The following ATM variants were observed in gnomAD, a reference collection of about 807,000 sequenced individuals.
The protein encoded by ATM is ATM serine/threonine kinase.
ATM carries 308 observed loss-of-function variants against 387.0 expected under a neutral mutation model. That is an observed-to-expected ratio of 0.80 (90% CI 0.73 to 0.87). ATM has a LOEUF of 0.87. ATM is among the 40% of genes least tolerant of loss of function. ATM has a pLI of 0.00. For missense variants in ATM, 3,312 were observed against 3,560.9 expected (o/e 0.93, Z 1.78); for synonymous variants, 1,156 against 1,187.3 (o/e 0.97, Z 0.54).
At chr11:108,289,926 C>T (rs1475624779) in intron 29 of ATM, 125 bp downstream of exon 29, 6 of 829,394 alleles carry the variant, frequency 7.2e-6, no homozygotes, top group Non-Finnish European at 1.1e-5. Flanking sequence ...GGTGCAGTCA[C>T]GGCTCACTGC....
At chr11:108,285,897 CA>C (rs2082466554) in intron 26 of ATM, among the ~76,000 whole-genome samples, 1 of 152,120 alleles carries the variant, frequency 6.6e-6, no homozygotes, top group African/African-American at 2.4e-5. Context: ...GTATTCAAAC[CA>C]AAAGACAGCA....
At chr11:108,338,731 A>T (rs1423928703) in intron 56 of ATM, among the ~76,000 whole-genome samples, 2 of 152,208 alleles carry the variant, frequency 1.3e-5, no homozygotes, top group Admixed American at 1.3e-4. Context: ...TATTAAAGTA[A>T]AACCTGTAAA....
At chr11:108,311,118 C>G (rs1000563836) in intron 39 of ATM, among the ~76,000 whole-genome samples, 1 of 151,608 alleles carries the variant, frequency 6.6e-6, no homozygotes, top group African/African-American at 2.4e-5. Flanking sequence ...AGGCACACAC[C>G]ACTGCATCCA....
intron 16 of ATM, among the ~76,000 whole-genome samples, chr11:108,263,447 G>T (rs1422965149): frequency 1.4e-5 from 2 of 140,740 alleles, no homozygotes; most frequent in East Asian, 4.1e-4. Context: ...CGAGAACAAA[G>T]ACACAACATA....
chr11:108,358,353 C>T (rs1489998419), intron 61 of ATM, among the ~76,000 whole-genome samples: 1 of 143,852 alleles, frequency 7.0e-6, no homozygotes, highest in East Asian at 2.1e-4. Context: ...AGAATGGAAC[C>T]AAGTTGGAAA....
chr11:108,240,823 T>G (rs1436368447), intron 5 of ATM, among the ~76,000 whole-genome samples: 3 of 152,196 alleles, frequency 2.0e-5, no homozygotes, highest in Non-Finnish European at 4.4e-5. Flanking sequence ...TGTACCAAAT[T>G]TAAAAATTTA....
In ATM at chr11:108,246,978, A is replaced by G. The variant is rs1555068304; in HGVS notation, c.916A>G (p.Thr306Ala). 2 of 1,611,320 alleles carry G rather than the reference A, an allele frequency of 1.2e-6. No homozygotes were observed. The highest frequency in any genetic ancestry group is 1.7e-6 in the Non-Finnish European group (2 of 1,178,408). The change falls in exon 8 of 63, where the codon ACA (threonine) becomes GCA (alanine). Residue 306 changes from threonine (T) to alanine (A), a missense_variant. By Grantham distance (58) the Thr-to-Ala change is moderately conservative (BLOSUM62 0). Coordinates refer to ENST00000675843, the MANE Select transcript of ATM (RefSeq NM_000051.4). ...TTGGATTACAGGTGCTTATGAATCA[A>G]CAAAATGGAGAAGTATTTTATACAA... is the stretch of plus-strand genomic sequence containing the variant. ...KTQEKGAYES[T>A]KWRSILYNLY...
At chr11:108,288,168 C>G (rs907564375) in intron 27 of ATM, among the ~76,000 whole-genome samples, 1 of 151,946 alleles carries the variant, frequency 6.6e-6, no homozygotes, top group African/African-American at 2.4e-5. Flanking sequence ...CTTCCAGGCT[C>G]AAGCTATCCT....
At chr11:108,268,270 C>T in intron 17 of ATM, 140 bp from the exon 18 acceptor site, 1 of 661,468 alleles carries the variant, frequency 1.5e-6, no homozygotes, top group East Asian at 2.8e-5. Context: ...ACTTTTGAAG[C>T]TTTCAGTATA....
At chr11:108,280,546 A>C (rs1196024387) in intron 23 of ATM, among the ~76,000 whole-genome samples, 1 of 151,970 alleles carries the variant, frequency 6.6e-6, no homozygotes, top group Non-Finnish European at 1.5e-5. Context: ...TGATACGGGT[A>C]TACAATGTGA....
rs1300223641 is a variant in ATM, at chr11:108,262,954, C to T, written c.2466+3879C>T. 5.3e-5 allele frequency among the ~76,000 whole-genome samples: 8 copies of T among 151,700 alleles called. No individual in the cohort carries two copies. In the East Asian group the frequency reaches 1.5e-3, roughly 29 times the overall value. ...GCTAACTATCCTAAATATATATGCA[C>T]CCACTACAGGAGCACCCAGATTCAT... On this transcript the variant is annotated intron_variant, in intron 16 of 62. Coordinates refer to ENST00000675843, the MANE Select transcript of ATM (RefSeq NM_000051.4).
chr11:108,365,797 A>G lies in ATM; in HGVS notation c.*289A>G, dbSNP rs2091286003. On this transcript the variant is annotated 3_prime_UTR_variant, in exon 63 of 63. Coordinates refer to ENST00000675843, the MANE Select transcript of ATM (RefSeq NM_000051.4). Reference sequence around the variant, plus strand: ...GGGAGGCCGAGGTGAGCGGATCACAAGGTCAGGAGTTCGAGACCAGCCTGG... The same window carrying G: ...GGGAGGCCGAGGTGAGCGGATCACAGGGTCAGGAGTTCGAGACCAGCCTGG... The G allele has an allele frequency of 7.4e-6, 3 of 406,374 alleles. No homozygotes were observed. Among genetic ancestry groups the G allele is most frequent in the Admixed American group, 7.9e-5 (2 of 25,378 alleles). The allele number at this position is 406,374 out of a possible 1,614,324, so 25.2% of individuals were successfully genotyped here.
intron 4 of ATM, chr11:108,230,917 G>C (rs557188567): frequency 1.3e-5 from 2 of 152,322 alleles, no homozygotes; most frequent in East Asian, 3.9e-4. Flanking sequence ...GGCCAGGCTA[G>C]TCTCAAACTC....
At chr11:108,304,920 A>C in intron 37 of ATM, 68 bp downstream of exon 37, 1 of 1,536,304 alleles carries the variant, frequency 6.5e-7, no homozygotes, top group African/African-American at 1.4e-5. Context: ...TTTAAGATGG[A>C]ATCCCACTAA....
chr11:108,303,434 A>G (rs1198490620), intron 36 of ATM, among the ~76,000 whole-genome samples: 1 of 152,136 alleles, frequency 6.6e-6, no homozygotes, highest in African/African-American at 2.4e-5. Context: ...ATATAGTACA[A>G]TTTATCTCAA....
At chr11:108,358,151 G>A (rs975991574) in intron 61 of ATM, among the ~76,000 whole-genome samples, 1 of 151,636 alleles carries the variant, frequency 6.6e-6, no homozygotes, top group Non-Finnish European at 1.5e-5. Context: ...GAAGAATGCA[G>A]AAGCCTCAGG....
At position 108,248,942 on chromosome 11, in the gene ATM, G is replaced by T. The variant is rs2079988487; in HGVS notation, c.1075G>T (p.Glu359Ter). The T allele has an allele frequency of 6.3e-7, 1 of 1,597,620 alleles. No individual in the cohort carries two copies. Among genetic ancestry groups the T allele is most frequent in the Non-Finnish European group, 8.6e-7 (1 of 1,168,868 alleles). Reference protein sequence around the residue: ...MADICHQVFNEDTRSLEISQS... With the variant: ...MADICHQVFN Reference sequence around the variant, plus strand: ...TATTTTTATTTTACAGGTTTTTAATGAAGATACCAGATCCTTGGAGATTTC... The same window carrying T: ...TATTTTTATTTTACAGGTTTTTAATTAAGATACCAGATCCTTGGAGATTTC... Residue 359 changes from glutamate to a stop codon, truncating the protein, a stop_gained, in exon 9 of 63, where the codon GAA becomes TAA. Transcript: ENST00000675843. LOFTEE classifies it high-confidence loss of function.
At chr11:108,342,685 A>C (rs1409662232) in intron 56 of ATM, among the ~76,000 whole-genome samples, 1 of 152,202 alleles carries the variant, frequency 6.6e-6, no homozygotes, top group Non-Finnish European at 1.5e-5. Flanking sequence ...ATGTATGTTT[A>C]TAATATAATT....
rs756568555 is a variant in ATM, at chr11:108,272,792, C to T, written c.3224C>T (p.Thr1075Ile). The T allele has an allele frequency of 6.2e-7, 1 of 1,614,020 alleles. No homozygotes were observed. The highest frequency in any genetic ancestry group is 2.2e-5 in the East Asian group (1 of 44,866). Reference protein sequence around the residue: ...GKDFPVNEVFTQFLADNHHQV... With the variant: ...GKDFPVNEVFIQFLADNHHQV... ...GACTTTCCTGTAAATGAAGTATTTA[C>T]ACAATTTCTTGCTGACAATCATCAC... Residue 1075 changes from threonine (T) to isoleucine (I), a missense_variant, in exon 22 of 63, where the codon ACA becomes ATA. Transcript: ENST00000675843.
Sources: allele counts gnomAD v4.1 joint callset (sites outside exome capture counted in the v4.1 genomes callset), GRCh38; gene constraint gnomAD v4.1.1; transcripts MANE v1.5; gene names NCBI Gene and HGNC (gene_info 2026-07-23, HGNC 2026-07-21).